PCSK2: variants seen among roughly 807,000 people sequenced by gnomAD.
PCSK2 encodes neuroendocrine convertase 2.
PCSK2 carries 14 observed loss-of-function variants against 69.7 expected under a neutral mutation model. The observed-to-expected ratio is 0.20, with a 90% CI of 0.13 to 0.31. The LOEUF is 0.31. Among genes scored for constraint, PCSK2 ranks in the 10% least tolerant of loss-of-function variants. PCSK2 has a pLI of 1.00. For missense variants in PCSK2, 544 were observed against 842.5 expected, an observed-to-expected ratio of 0.65 and a Z score of 4.39; for synonymous variants, 307 against 320.7, an observed-to-expected ratio of 0.96 and a Z score of 0.46.
chr20:17,254,857 T>G (rs1438823571), intron 1 of PCSK2, among the ~76,000 whole-genome samples: 1 of 152,222 alleles, frequency 6.6e-6, no homozygotes, highest in Non-Finnish European at 1.5e-5. Context: ...AGTGATGCTT[T>G]GTACTTTTCA....
chr20:17,450,149 C>T (rs956672540), intron 8 of PCSK2, among the ~76,000 whole-genome samples: 8 of 151,158 alleles, frequency 5.3e-5, no homozygotes, highest in African/African-American at 1.9e-4. Context: ...TTGCCTCAGC[C>T]TCCCGAGTAG....
At chr20:17,472,906 A>AT (rs1241769284) in intron 11 of PCSK2, among the ~76,000 whole-genome samples, 1 of 152,128 alleles carries the variant, frequency 6.6e-6, no homozygotes, top group Non-Finnish European at 1.5e-5. Context: ...CACAAGAAGC[A>AT]TTCCCCAGGG....
chr20:17,427,375 T>C (rs917315689), intron 6 of PCSK2, among the ~76,000 whole-genome samples: 1 of 152,082 alleles, frequency 6.6e-6, no homozygotes, highest in African/African-American at 2.4e-5. Flanking sequence ...TGCCTGTTCT[T>C]TCTCTCAGGA....
chr20:17,474,511 C>T (rs1485008214), intron 11 of PCSK2, among the ~76,000 whole-genome samples: 1 of 152,210 alleles, frequency 6.6e-6, no homozygotes, highest in Non-Finnish European at 1.5e-5. Context: ...ACCACTCACT[C>T]TCAAATAAGA....
intron 2 of PCSK2, among the ~76,000 whole-genome samples, chr20:17,273,550 C>T (rs1246083288): frequency 6.6e-6 from 1 of 152,150 alleles, no homozygotes; most frequent in Non-Finnish European, 1.5e-5. Context: ...TCACCTACTC[C>T]TTTTGCATCT....
rs146990222 is a variant in PCSK2 at position 17,412,134 on chromosome 20, C to T, written c.620+2795C>T. Among the ~76,000 whole-genome samples the T allele has an allele frequency of 1.5e-4, 23 of 152,242 alleles. No individual in the cohort carries two copies. In the East Asian group the frequency reaches 3.1e-3, roughly 20 times the overall value. On this transcript the variant is annotated intron_variant, in intron 6 of 11. Transcript: ENST00000262545. ...GAGTGCCTCTTCTCCTCCAAAGGAC[C>T]GCAGCTCCTCGACAGCAACAGAACA...
At chr20:17,338,852 C>T (rs1890815631) in intron 2 of PCSK2, among the ~76,000 whole-genome samples, 2 of 152,144 alleles carry the variant, frequency 1.3e-5, no homozygotes, top group Non-Finnish European at 2.9e-5. Context: ...GGAAGACAAT[C>T]TCAACACACT....
chr20:17,452,167 A>T (rs2269021), intron 8 of PCSK2, among the ~76,000 whole-genome samples: 6,465 of 152,052 alleles, frequency 0.043, 194 homozygotes, highest in East Asian at 0.16. Flanking sequence ...GGCATGAACC[A>T]CCGCGCCCGG....
intron 5 of PCSK2, among the ~76,000 whole-genome samples, chr20:17,375,921 G>A (rs12106074): frequency 0.22 from 32,721 of 152,108 alleles, 3,648 homozygotes; most frequent in Middle Eastern, 0.31. Flanking sequence ...GGTGAAGTGT[G>A]TTTCCTACCC....
intron 6 of PCSK2, among the ~76,000 whole-genome samples, chr20:17,428,224 G>A (rs1195532910): frequency 6.6e-6 from 1 of 152,198 alleles, no homozygotes; most frequent in Non-Finnish European, 1.5e-5. Context: ...TCCAGCCTTT[G>A]GTGAACTGTT....
In PCSK2 at chr20:17,347,836, GAAA is replaced by G. The variant is rs1159544058; in HGVS notation, c.283-10490_283-10488del. The stretch of plus-strand genomic sequence containing the variant: ...AGAAAGAAAGAAAGAAAGAAAGAAA[GAAA>G]GAAAGAAAGAAAGAAAGAAAGAGGA... On this transcript the variant is annotated intron_variant, in intron 2 of 11. Coordinates refer to ENST00000262545, the MANE Select transcript of PCSK2 (RefSeq NM_002594.5). Among the ~76,000 whole-genome samples, 371 of 124,596 alleles carry G rather than the reference GAAA, an allele frequency of 3.0e-3. 15 individuals are homozygous for G. The highest frequency in any genetic ancestry group is 9.7e-3 in the East Asian group (43 of 4,448). 81.7% of individuals were successfully genotyped at this position (124,596 alleles called of 152,430 possible).
chr20:17,403,240 T>C (rs6044785), intron 5 of PCSK2, among the ~76,000 whole-genome samples: 3,084 of 152,356 alleles, frequency 0.02, 58 homozygotes, highest in African/African-American at 0.043. Context: ...TGTATCTTTT[T>C]CTAAATTTTT....
At chr20:17,295,527 ATATT>A (rs10536265) in intron 2 of PCSK2, among the ~76,000 whole-genome samples, 21,709 of 146,680 alleles carry the variant, frequency 0.15, 2,192 homozygotes, top group East Asian at 0.53. Context: ...ATTTTTATAT[ATATT>A]TATTTATTTA....
chr20:17,226,798 C>G (rs939719751), upstream of PCSK2, among the ~76,000 whole-genome samples: 2 of 136,976 alleles, frequency 1.5e-5, no homozygotes, highest in South Asian at 2.4e-4. Context: ...GGCGCGGGCT[C>G]GCTGCGCTGC....
chr20:17,406,147 T>A (rs1248719509), intron 5 of PCSK2, among the ~76,000 whole-genome samples: 2 of 152,180 alleles, frequency 1.3e-5, no homozygotes, highest in Non-Finnish European at 2.9e-5. Flanking sequence ...TAATGGCAAT[T>A]ATAGAAGACT....
chr20:17,361,456 T>C (rs2123215632), intron 4 of PCSK2, among the ~76,000 whole-genome samples: 2 of 152,362 alleles, frequency 1.3e-5, no homozygotes, highest in South Asian at 4.1e-4. Flanking sequence ...AATTGCCGCC[T>C]GTGGTCGTTT....
chr20:17,314,035 C>A (rs1257494741), intron 2 of PCSK2, among the ~76,000 whole-genome samples: 1 of 152,106 alleles, frequency 6.6e-6, no homozygotes, highest in Non-Finnish European at 1.5e-5. Flanking sequence ...TAGACCTCAA[C>A]CTCACCTCCC....
chr20:17,356,476 T>C (rs2030201729), intron 2 of PCSK2, among the ~76,000 whole-genome samples: 1 of 152,176 alleles, frequency 6.6e-6, no homozygotes, highest in Non-Finnish European at 1.5e-5. Context: ...AGTGAGGATC[T>C]AGCCTTTCAC....
At chr20:17,304,709 A>G (rs905917614) in intron 2 of PCSK2, among the ~76,000 whole-genome samples, 1 of 152,208 alleles carries the variant, frequency 6.6e-6, no homozygotes, top group Admixed American at 6.5e-5. Context: ...TTGCAGCTCA[A>G]TTCTTAATTG....
Sources: gnomAD v4.1 joint callset for allele counts (sites outside exome capture counted in the v4.1 genomes callset) on GRCh38, gnomAD v4.1.1 for gene constraint, MANE v1.5 for transcripts, NCBI Gene and HGNC (gene_info 2026-07-23, HGNC 2026-07-21) for gene names.